CDC27: variants seen among roughly 807,000 people sequenced by gnomAD.
CDC27 encodes the protein cell division cycle protein 27 homolog.
A neutral mutation model predicts 109.7 loss-of-function variants in CDC27; 27 were observed. The ratio of observed to expected loss-of-function variants is 0.25; its 90% CI spans 0.18 to 0.34. CDC27 has a LOEUF of 0.34. CDC27 is among the 10% of genes least tolerant of loss of function. The pLI, the probability that CDC27 is intolerant of heterozygous loss-of-function variation, is 1.00. For synonymous variants in CDC27, 266 were observed against 333.9 expected, an observed-to-expected ratio of 0.80 and a Z score of 2.22; for missense variants, 579 against 960.2, an observed-to-expected ratio of 0.60 and a Z score of 5.25.
intron 2 of CDC27, 59 bp downstream of exon 2, chr17:47,181,503 T>C: frequency 1.1e-6 from 1 of 922,716 alleles, no homozygotes; most frequent in South Asian, 1.5e-5. Flanking sequence ...GATAAAAAGT[T>C]ATGGAATTTC....
intron 18 of CDC27, among the ~76,000 whole-genome samples, chr17:47,121,928 C>T (rs892512622): frequency 6.6e-6 from 1 of 151,868 alleles, no homozygotes; most frequent in South Asian, 2.1e-4. Flanking sequence ...TTAGTAGAGA[C>T]GAGGTTTCAC....
At chr17:47,126,511 T>A (rs1476498) in intron 16 of CDC27, among the ~76,000 whole-genome samples, 109,943 of 151,926 alleles carry the variant, frequency 0.72, 40,164 homozygotes, top group Admixed American at 0.82. Flanking sequence ...AATTAAACAA[T>A]CAAAGAAAAC....
chr17:47,160,776 G>A lies in CDC27; in HGVS notation c.378-2473C>T, dbSNP rs117855810. Among the ~76,000 whole-genome samples the A allele has an allele frequency of 5.7e-3, 870 of 152,222 alleles. 3 individuals carry two copies. Among genetic ancestry groups the A allele is most frequent in the Non-Finnish European group, 9.0e-3 (612 of 68,016 alleles). On this transcript the variant is annotated intron_variant, in intron 4 of 18. Coordinates refer to ENST00000066544, the MANE Select transcript of CDC27 (RefSeq NM_001256.6). ...ATGTATACATCATCTGTTTATGTGC[G>A]GAATGTCAGTATAACCTCAGAGAAC...
chr17:47,158,928 T>C (rs1237638998), intron 4 of CDC27, among the ~76,000 whole-genome samples: 1 of 152,110 alleles, frequency 6.6e-6, no homozygotes, highest in African/African-American at 2.4e-5. Context: ...CCTTTTTGTA[T>C]TTTCGTCGAG....
At chr17:47,162,572 T>G (rs2063528716) in intron 4 of CDC27, among the ~76,000 whole-genome samples, 2 of 152,164 alleles carry the variant, frequency 1.3e-5, no homozygotes, top group Admixed American at 6.5e-5. Flanking sequence ...GTTGCATTAG[T>G]GAACTGTATG....
At chr17:47,173,312 G>A (rs1354274192) in intron 2 of CDC27, among the ~76,000 whole-genome samples, 10 of 151,128 alleles carry the variant, frequency 6.6e-5, no homozygotes, top group Non-Finnish European at 1.2e-4. Flanking sequence ...AATAGTAAAT[G>A]ATAAGAAATT....
At position 47,157,565 on chromosome 17, in the gene CDC27, T is replaced by C. The variant is rs140288772; in HGVS notation, c.476-181A>G. On this transcript the variant is annotated intron_variant, in intron 5 of 18. Transcript: ENST00000066544. ...CCATCTATCAATATATCATAAAAGTTTACCAGTAAGATAAAGCTGTAAATG... is the reference window on the plus strand; with the variant it reads ...CCATCTATCAATATATCATAAAAGTCTACCAGTAAGATAAAGCTGTAAATG... 1.4e-3 allele frequency among the ~76,000 whole-genome samples: 208 copies of C among 143,580 alleles called. 1 individual carries two copies. Among genetic ancestry groups the C allele is most frequent in the African/African-American group, 5.0e-3 (196 of 39,182 alleles). 94.2% of individuals were successfully genotyped at this position (143,580 alleles called of 152,430 possible).
At position 47,170,008 on chromosome 17, in the gene CDC27, C is replaced by T; in HGVS notation, c.286G>A (p.Val96Met). ...AEGEQILSGG[V>M]FNKQKSHDDI... ...TCATGGCTTTTCTGCTTATTAAACA[C>T]TCCACCAGATAAGATTTGTTCCCCT... Residue 96 changes from valine (V) to methionine (M), a missense_variant, in exon 4 of 19, where the codon GTG becomes ATG. By Grantham distance (21) the Val-to-Met change is conservative (BLOSUM62 1). Transcript: ENST00000066544. 1 of 1,569,212 alleles carries T rather than the reference C, an allele frequency of 6.4e-7. No individual in the cohort carries two copies. Among genetic ancestry groups the T allele is most frequent in the Non-Finnish European group, 8.6e-7 (1 of 1,159,994 alleles).
At chr17:47,158,522 G>A (rs2063389598) in intron 4 of CDC27, among the ~76,000 whole-genome samples, 1 of 152,066 alleles carries the variant, frequency 6.6e-6, no homozygotes, top group Non-Finnish European at 1.5e-5. Flanking sequence ...AACTATCGTT[G>A]CCTTCTTGAA....
Position 47,129,017 on chromosome 17 carries a change from C to T in CDC27, c.2160+376G>A, listed in dbSNP as rs1402325269. Reference sequence around the variant, plus strand: ...GAACTCCTGACTCAGGTGATCCGCCCGCCTTGGTCTCCCAAAGTGCTGGGA... The same window carrying T: ...GAACTCCTGACTCAGGTGATCCGCCTGCCTTGGTCTCCCAAAGTGCTGGGA... On this transcript the variant is annotated intron_variant, in intron 16 of 18. Transcript: ENST00000066544. Among the ~76,000 whole-genome samples the T allele has an allele frequency of 3.3e-5, 5 of 152,156 alleles. No homozygotes were observed. The East Asian group carries it at 5.8e-4, about 18-fold the overall frequency.
intron 2 of CDC27, among the ~76,000 whole-genome samples, chr17:47,172,805 A>G (rs2063851397): frequency 6.6e-6 from 1 of 152,168 alleles, no homozygotes; most frequent in African/African-American, 2.4e-5. Flanking sequence ...CTATCCCCAC[A>G]ATCCAGGGTC....
Position 47,120,055 on chromosome 17 carries a change from GTC to G in CDC27, c.*878_*879del, listed in dbSNP as rs1175650524. 2 of 152,136 alleles carry G rather than the reference GTC, an allele frequency of 1.3e-5. No homozygotes were observed. The highest frequency in any genetic ancestry group is 2.4e-5 in the African/African-American group (1 of 41,422). 9.4% of individuals were successfully genotyped at this position (152,136 alleles called of 1,614,324 possible). A position where few individuals can be genotyped will look rare whatever the true frequency, so the allele number is the denominator to read the frequency against. ...CTTTCACTATCATGATCTCTTAAAA[GTC>G]TCTCCACTTTAGTGTTCTCCTTCTG... On this transcript the variant is annotated 3_prime_UTR_variant, in exon 19 of 19. Transcript: ENST00000066544.
At chr17:47,167,617 G>C (rs1014493728) in intron 4 of CDC27, among the ~76,000 whole-genome samples, 5 of 152,164 alleles carry the variant, frequency 3.3e-5, no homozygotes, top group African/African-American at 1.2e-4. Context: ...AACGAACTTT[G>C]AGTGTGGAAA....
Position 47,157,316 on chromosome 17 carries a change from T to G in CDC27, c.544A>C (p.Asn182His). The change falls in exon 6 of 19, where the codon AAC becomes CAC. Residue 182 changes from asparagine (N) to histidine (H), a missense_variant. Transcript: ENST00000066544. Reference protein sequence around the residue: ...SLQNFSNCLPNSCTTQVPNHS... With the variant: ...SLQNFSNCLPHSCTTQVPNHS... ...TTAGGTACTTGTGTTGTGCAAGAGT[T>G]GGGCAGACAGTTGCTAAAGTTCTGT... is the stretch of plus-strand genomic sequence containing the variant. The G allele has an allele frequency of 1.2e-6, 2 of 1,612,822 alleles. No individual in the cohort carries two copies. The highest frequency in any genetic ancestry group is 4.5e-5 in the East Asian group (2 of 44,848).
intron 9 of CDC27, among the ~76,000 whole-genome samples, chr17:47,145,214 C>A (rs1392502660): frequency 6.6e-6 from 1 of 152,130 alleles, no homozygotes; most frequent in East Asian, 1.9e-4. Flanking sequence ...AGTTCTAGGG[C>A]CACCTTGCAG....
At chr17:47,171,829 G>T in intron 3 of CDC27, 88 bp downstream of exon 3, 1 of 813,062 alleles carries the variant, frequency 1.2e-6, no homozygotes, top group Non-Finnish European at 1.9e-6. Context: ...GGGAAGAAAG[G>T]GAATCAGAGT....
chr17:47,175,070 GAAGGAAGGAAGGAAGGAAGGAAGGAAGT>G (rs951806039), intron 2 of CDC27, among the ~76,000 whole-genome samples: 25 of 131,034 alleles, frequency 1.9e-4, no homozygotes, highest in African/African-American at 4.8e-4. Context: ...AGGAAGGAAG[GAAGGAAGGAAGGAAGGAAGGAAGGAAGT>G]AAGTTGTAGC....
At chr17:47,121,168 C>A in intron 18 of CDC27, 151 bp from the exon 19 acceptor site, 1 of 605,962 alleles carries the variant, frequency 1.7e-6, no homozygotes, top group South Asian at 2.0e-5. Context: ...TAATAAAATG[C>A]AACTCAAGTT....
chr17:47,123,402 C>CTTTTTTTTTTTTTTTTTTTTTT (rs57868315), intron 17 of CDC27, among the ~76,000 whole-genome samples: 4 of 122,996 alleles, frequency 3.3e-5, no homozygotes, highest in African/African-American at 3.0e-5. Flanking sequence ...TTTTTTTCTA[C>CTTTTTTTTTTTTTTTTTTTTTT]TTTTTTTTTT....
Sources: gnomAD v4.1 joint callset for allele counts (sites outside exome capture counted in the v4.1 genomes callset) on GRCh38, gnomAD v4.1.1 for gene constraint, MANE v1.5 for transcripts, NCBI Gene and HGNC (gene_info 2026-07-23, HGNC 2026-07-21) for gene names.